Variants in ARID1B observed in about 807,000 individuals in gnomAD.
ARID1B encodes the protein AT-rich interactive domain-containing protein 1B.
In ARID1B, 30 loss-of-function variants were observed where a neutral mutation model predicts 212.3. The observed-to-expected ratio is 0.14, with a 90% CI of 0.11 to 0.19. The LOEUF (loss-of-function observed/expected upper bound fraction) is 0.19, where lower values mean the gene tolerates loss of function less well. Among genes scored for constraint, ARID1B ranks in the 10% least tolerant of loss-of-function variants. The pLI is 1.00. For missense variants in ARID1B, 2,891 were observed against 3,204.0 expected, an observed-to-expected ratio of 0.90 and a Z score of 2.36; for synonymous variants, 1,402 against 1,301.7, an observed-to-expected ratio of 1.08 and a Z score of -1.66.
At chr6:156,782,196 C>T (rs1273627573) in intron 1 of ARID1B, among the ~76,000 whole-genome samples, 2 of 151,566 alleles carry the variant, frequency 1.3e-5, no homozygotes, top group Non-Finnish European at 2.9e-5. Context: ...TATTAAATTA[C>T]TGCCTGACTG....
intron 4 of ARID1B, among the ~76,000 whole-genome samples, chr6:156,945,453 G>A (rs1353162294): frequency 6.6e-6 from 1 of 151,736 alleles, no homozygotes; most frequent in Non-Finnish European, 1.5e-5. Flanking sequence ...TGAGCCTGGG[G>A]ACCACCGAGT....
intron 2 of ARID1B, among the ~76,000 whole-genome samples, chr6:156,875,496 G>A (rs73790929): frequency 2.0e-5 from 3 of 152,206 alleles, no homozygotes; most frequent in African/African-American, 7.2e-5. Flanking sequence ...TTGACCAGCT[G>A]TATTCGATTC....
At chr6:156,971,574 A>G (rs183545943) in intron 4 of ARID1B, among the ~76,000 whole-genome samples, 37 of 152,246 alleles carry the variant, frequency 2.4e-4, no homozygotes, top group Non-Finnish European at 4.0e-4. Context: ...CATAGTTTCT[A>G]TGGCTCAGGA....
chr6:156,905,250 G>GCGCGCACACACACACACACACA (rs1554265935), intron 3 of ARID1B, among the ~76,000 whole-genome samples: 13 of 143,730 alleles, frequency 9.0e-5, no homozygotes, highest in African/African-American at 2.6e-4. Flanking sequence ...ACATATGCAC[G>GCGCGCACACACACACACACACA]CACACACACA....
chr6:156,796,045 G>T (rs1210760910), intron 1 of ARID1B, among the ~76,000 whole-genome samples: 1 of 152,006 alleles, frequency 6.6e-6, no homozygotes, highest in Non-Finnish European at 1.5e-5. Flanking sequence ...CATGCCTGTT[G>T]TCTGGGTTTT....
chr6:157,169,568 TA>T (rs1791571406), intron 9 of ARID1B: 1 of 152,218 alleles, frequency 6.6e-6, no homozygotes, highest in Non-Finnish European at 1.5e-5. Flanking sequence ...TTATTTAGAT[TA>T]AAAGGTTAGA....
intron 5 of ARID1B, among the ~76,000 whole-genome samples, chr6:157,107,566 C>T (rs1003764015): frequency 4.6e-5 from 7 of 152,080 alleles, no homozygotes; most frequent in African/African-American, 1.7e-4. Context: ...AAATTGTGCA[C>T]GTGGCTGTGT....
chr6:156,785,795 A>G (rs1449334006), intron 1 of ARID1B, among the ~76,000 whole-genome samples: 8 of 152,206 alleles, frequency 5.3e-5, no homozygotes, highest in Non-Finnish European at 1.2e-4. Flanking sequence ...TTTGTGAGTA[A>G]ATTCTTCCGC....
chr6:157,010,281 T>G (rs989168452), intron 4 of ARID1B, among the ~76,000 whole-genome samples: 2 of 32,010 alleles, frequency 6.2e-5, no homozygotes, highest in Non-Finnish European at 1.2e-4. Context: ...ATTGCCTGTT[T>G]TTTTTTTTTT....
At position 157,094,272 on chromosome 6, in the gene ARID1B, C is replaced by CGGGCAAT. The variant is rs1785468958; in HGVS notation, c.2491+9370_2491+9376dup. 6.6e-6 allele frequency among the ~76,000 whole-genome samples: 1 copy of CGGGCAAT among 152,084 alleles called. No individual in the cohort carries two copies. The highest frequency in any genetic ancestry group is 6.6e-5 in the Admixed American group (1 of 15,264). ...CAGTGTAGCCACAGCATAGTGGTCA[C>CGGGCAAT]GGGCAATGGAGCAGAATGTGTGGGC... is the stretch of plus-strand genomic sequence containing the variant. On this transcript the variant is annotated intron_variant, in intron 5 of 19. Transcript: ENST00000636930. The surrounding 1 kb of genome is among the most constrained non-coding windows in gnomAD (Gnocchi z 4.3).
chr6:157,063,331 C>T (rs927822340), intron 4 of ARID1B, among the ~76,000 whole-genome samples: 3 of 152,124 alleles, frequency 2.0e-5, no homozygotes, highest in African/African-American at 7.2e-5. Context: ...TCTTTTAACA[C>T]ACCACCTTAA....
At chr6:156,900,528 C>A (rs1329116625) in intron 2 of ARID1B, among the ~76,000 whole-genome samples, 1 of 152,132 alleles carries the variant, frequency 6.6e-6, no homozygotes, top group Non-Finnish European at 1.5e-5. Flanking sequence ...AATGACTTTG[C>A]CATTCTTGTC....
intron 13 of ARID1B, chr6:157,185,677 T>C (rs1307123386): frequency 6.6e-6 from 1 of 152,226 alleles, no homozygotes; most frequent in Non-Finnish European, 1.5e-5. Context: ...CTTTGTAATA[T>C]GTGAAATGTT....
chr6:156,780,641 A>C (rs554599474), intron 1 of ARID1B, among the ~76,000 whole-genome samples: 2 of 152,358 alleles, frequency 1.3e-5, no homozygotes, highest in East Asian at 3.9e-4. Flanking sequence ...TTCTTGCCAC[A>C]AATAATAACT....
At chr6:157,081,681 C>T (rs930609640) in intron 4 of ARID1B, among the ~76,000 whole-genome samples, 1 of 152,076 alleles carries the variant, frequency 6.6e-6, no homozygotes, top group African/African-American at 2.4e-5. Flanking sequence ...GAGTAAAGCC[C>T]TCTTAATGCC....
chr6:157,002,559 T>C (rs1013131313), intron 4 of ARID1B, among the ~76,000 whole-genome samples: 1 of 152,288 alleles, frequency 6.6e-6, no homozygotes, highest in African/African-American at 2.4e-5. Flanking sequence ...CTCCTCATTC[T>C]ATTTTATGAT....
chr6:157,025,683 G>T (rs1251123790), intron 4 of ARID1B, among the ~76,000 whole-genome samples: 1 of 152,146 alleles, frequency 6.6e-6, no homozygotes, highest in Non-Finnish European at 1.5e-5. Context: ...GTTTGGCTAT[G>T]ATCATAGTTT....
intron 1 of ARID1B, among the ~76,000 whole-genome samples, chr6:156,784,762 A>G (rs1779519001): frequency 6.6e-6 from 1 of 151,960 alleles, no homozygotes; most frequent in Non-Finnish European, 1.5e-5. Flanking sequence ...ACATTTAGTT[A>G]TTTGTTTTTC....
At position 157,094,431 on chromosome 6, in the gene ARID1B, TACA is replaced by T. The variant is rs950559729; in HGVS notation, c.2491+9529_2491+9531del. Among the ~76,000 whole-genome samples the T allele has an allele frequency of 6.6e-6, 1 of 152,172 alleles. No individual in the cohort carries two copies. Among genetic ancestry groups the T allele is most frequent in the African/African-American group, 2.4e-5 (1 of 41,442 alleles). On this transcript the variant is annotated intron_variant, in intron 5 of 19. Coordinates refer to ENST00000636930, the MANE Select transcript of ARID1B (RefSeq NM_001374828.1). This position sits in a 1 kb window ranked among gnomAD's most constrained non-coding sequence, Gnocchi z 4.3. ...GTACAGTGGCACGATCTCCACTCAC[TACA>T]ACCTCTACCTCCCAGGTTCAAGCAA...
Sources: allele counts gnomAD v4.1 joint callset (sites outside exome capture counted in the v4.1 genomes callset), GRCh38; gene constraint gnomAD v4.1.1; non-coding constraint Gnocchi (gnomAD v3.1); transcripts MANE v1.5; gene names NCBI Gene and HGNC (gene_info 2026-07-23, HGNC 2026-07-21).